The following PHRF1 variants were observed in gnomAD, a reference collection of about 807,000 sequenced individuals.
PHRF1 encodes PHD and RING finger domain-containing protein 1.
PHRF1 carries 53 observed loss-of-function variants against 128.9 expected under a neutral mutation model. The ratio of observed to expected loss-of-function variants is 0.41; its 90% confidence interval spans 0.33 to 0.52. The LOEUF (loss-of-function observed/expected upper bound fraction) is 0.52, where lower values mean the gene tolerates loss of function less well. Among genes scored for constraint, PHRF1 ranks in the 20% least tolerant of loss-of-function variants. The pLI, the probability that PHRF1 is intolerant of heterozygous loss-of-function variation, is 0.21. For missense variants in PHRF1, 2,503 were observed against 2,284.5 expected (o/e 1.10, Z -1.95); for synonymous variants, 1,178 against 980.6 (o/e 1.20, Z -3.76).
Position 605,838 on chromosome 11 carries a change from A to C in PHRF1, c.1454+114A>C. 6 of 1,416,694 alleles carry C rather than the reference A, an allele frequency of 4.2e-6. No homozygotes were observed. In the Admixed American group the frequency reaches 8.4e-5, roughly 20 times the overall value. The allele number at this position is 1,416,694 out of a possible 1,614,324, so 87.8% of individuals were successfully genotyped here. Reference sequence around the variant, plus strand: ...CTCTGTGGCCCTGGGTGGCGTCAGCACCTCCCCTCAGCTGTCATGCTCATC... The same window carrying C: ...CTCTGTGGCCCTGGGTGGCGTCAGCCCCTCCCCTCAGCTGTCATGCTCATC... On this transcript the variant is annotated intron_variant, in intron 12 of 17. Transcript: ENST00000264555.
At chr11:598,654 C>A (rs576040761) in intron 9 of PHRF1, among the ~76,000 whole-genome samples, 152 bp downstream of exon 9, 1 of 152,200 alleles carries the variant, frequency 6.6e-6, no homozygotes, top group African/African-American at 2.4e-5. Context: ...GAAGCCGCGC[C>A]GGGCCCGGGA....
Position 612,064 on chromosome 11 carries a change from C to G in PHRF1, c.*287C>G, listed in dbSNP as rs577365314. On this transcript the variant is annotated 3_prime_UTR_variant, in exon 18 of 18. Coordinates refer to ENST00000264555, the MANE Select transcript of PHRF1 (RefSeq NM_001286581.2). ...AAAAATGGATTATCTTTAGAAACCT[C>G]TTGATTGACTTACTACTTGGAAGAT... 3.7e-5 allele frequency: 17 copies of G among 463,760 alleles called. No homozygotes were observed. Among genetic ancestry groups the G allele is most frequent in the African/African-American group, 3.0e-4 (15 of 50,830 alleles). The allele number at this position is 463,760 out of a possible 1,614,324, so 28.7% of individuals were successfully genotyped here.
At chr11:601,167 A>G (rs1855602485) in intron 9 of PHRF1, among the ~76,000 whole-genome samples, 2 of 151,258 alleles carry the variant, frequency 1.3e-5, no homozygotes, top group East Asian at 1.9e-4. Flanking sequence ...AAATTTGGGC[A>G]GGCGTGGTGG....
Position 607,724 on chromosome 11 carries a change from T to G in PHRF1, c.2268T>G (p.His756Gln). ...GSSRPPAPSS[H>Q]GSLAPLGPSR... The stretch of plus-strand genomic sequence containing the variant: ...CCCGGCCCCCAGCCCCCAGCTCCCA[T>G]GGCAGTTTGGCCCCACTGGGACCAT... The change falls in exon 14 of 18, where the codon CAT becomes CAG. Residue 756 changes from histidine to glutamine, a missense_variant. Transcript: ENST00000264555. 6.2e-7 allele frequency: 1 copy of G among 1,611,904 alleles called. No homozygotes were observed. Among genetic ancestry groups the G allele is most frequent in the Non-Finnish European group, 8.5e-7 (1 of 1,179,384 alleles).
chr11:596,391 G>T (rs554173625), intron 6 of PHRF1, among the ~76,000 whole-genome samples: 4 of 152,288 alleles, frequency 2.6e-5, no homozygotes, highest in African/African-American at 9.6e-5. Flanking sequence ...GGTGTGAGGT[G>T]CAATGTTTGA....
chr11:584,227 A>G (rs1182576548), intron 3 of PHRF1, among the ~76,000 whole-genome samples: 1 of 152,128 alleles, frequency 6.6e-6, no homozygotes, highest in African/African-American at 2.4e-5. Flanking sequence ...GCTCTGGTTC[A>G]TCTGTAGTAG....
rs184847958 is a variant in PHRF1 at position 588,138 on chromosome 11, C to T, written c.420+674C>T. 1.7e-4 allele frequency among the ~76,000 whole-genome samples: 26 copies of T among 152,248 alleles called. No homozygotes were observed. The East Asian group carries it at 3.3e-3, about 19-fold the overall frequency. ...GATTGCACCAGCAGCCCGTGCTGTCCCCGGCTCTCTTCAGGACCGTGACCT... is the reference window on the plus strand; with the variant it reads ...GATTGCACCAGCAGCCCGTGCTGTCTCCGGCTCTCTTCAGGACCGTGACCT... On this transcript the variant is annotated intron_variant, in intron 4 of 17. Transcript: ENST00000264555.
At chr11:592,431 CTGGGCCTGTGG>C in intron 5 of PHRF1, 117 bp from the exon 6 acceptor site, 1 of 858,746 alleles carries the variant, frequency 1.2e-6, no homozygotes, top group Non-Finnish European at 2.0e-6. Context: ...GGGAGACCCT[CTGGGCCTGTGG>C]AGCCCAAATA....
rs1040469772 is a variant in PHRF1 at position 597,853 on chromosome 11, G to A, written c.894+283G>A. ...CTAGGAAACCCCCCTTGTTCCCCAG[G>A]CCCCATGCCAGCACCGCTCCCTCTA... On this transcript the variant is annotated intron_variant, in intron 8 of 17. Coordinates refer to ENST00000264555, the MANE Select transcript of PHRF1 (RefSeq NM_001286581.2). The surrounding 1 kb of genome is among the most constrained non-coding windows in gnomAD (Gnocchi z 6.5). Among the ~76,000 whole-genome samples the A allele has an allele frequency of 6.6e-6, 1 of 152,148 alleles. No individual in the cohort carries two copies. The highest frequency in any genetic ancestry group is 1.5e-5 in the Non-Finnish European group (1 of 67,988).
chr11:595,544 G>C (rs544965137), intron 6 of PHRF1, among the ~76,000 whole-genome samples: 1 of 152,240 alleles, frequency 6.6e-6, no homozygotes, highest in Non-Finnish European at 1.5e-5. Flanking sequence ...AGCCATGGGT[G>C]CCTGCACCGT....
rs774497632 is a variant in PHRF1 at position 607,286 on chromosome 11, G to T, written c.1830G>T (p.Ala610=). The stretch of plus-strand genomic sequence containing the variant: ...TGGACTTGCCAGCAGCCCCTGGGGC[G>T]GTTCAGGCTCGGAACTTGTCAAATG... ...VRLDLPAAPG[A]VQARNLSNGS... The change falls in exon 14 of 18, where the codon GCG becomes GCT. Residue 610 remains alanine, a synonymous_variant. Transcript: ENST00000264555. The T allele has an allele frequency of 6.2e-7, 1 of 1,612,690 alleles. No individual in the cohort carries two copies. Among genetic ancestry groups the T allele is most frequent in the Non-Finnish European group, 8.5e-7 (1 of 1,179,878 alleles).
chr11:606,940 C>CT, intron 13 of PHRF1, 126 bp from the exon 14 acceptor site: 1 of 1,439,418 alleles, frequency 6.9e-7, no homozygotes, highest in Non-Finnish European at 9.2e-7. Flanking sequence ...AGGTGTCCAC[C>CT]TCAACAGGCA....
chr11:596,278 C>T (rs1416272214), intron 6 of PHRF1, among the ~76,000 whole-genome samples: 1 of 152,200 alleles, frequency 6.6e-6, no homozygotes, highest in African/African-American at 2.4e-5. Flanking sequence ...ATACCTCATA[C>T]CAGTGGCAGC....
intron 3 of PHRF1, among the ~76,000 whole-genome samples, chr11:583,203 T>G (rs1392990660): frequency 1.4e-5 from 2 of 144,348 alleles, no homozygotes; most frequent in East Asian, 2.1e-4. Flanking sequence ...GCCAGTCGTG[T>G]TGGCACGCGC....
chr11:591,731 G>C (rs1217894244), intron 5 of PHRF1, among the ~76,000 whole-genome samples: 1 of 152,136 alleles, frequency 6.6e-6, no homozygotes, highest in East Asian at 1.9e-4. Flanking sequence ...TGGGAGCAGT[G>C]CTCTGGCCCG....
intron 3 of PHRF1, among the ~76,000 whole-genome samples, chr11:583,482 A>G (rs528588000): frequency 1.5e-4 from 23 of 152,290 alleles, no homozygotes; most frequent in Non-Finnish European, 2.8e-4. Flanking sequence ...ACGCCACCAC[A>G]CTCCAGCCTG....
Position 595,496 on chromosome 11 carries a change from C to T in PHRF1, c.621-1427C>T, listed in dbSNP as rs185164532. Among the ~76,000 whole-genome samples, 16 of 152,350 alleles carry T rather than the reference C, an allele frequency of 1.1e-4. No homozygotes were observed. The Middle Eastern group carries it at 0.01, about 97-fold the overall frequency. On this transcript the variant is annotated intron_variant, in intron 6 of 17. Transcript: ENST00000264555. ...CCCTGGGCAGGTCAGATCTGAGCAC[C>T]TTCAGCTGCAGGGCCACCAAGCTCC...
At position 609,188 on chromosome 11, in the gene PHRF1, T is replaced by C. The variant is rs758750228; in HGVS notation, c.3732T>C (p.Pro1244=). The change falls in exon 14 of 18, where the codon CCT becomes CCC. Residue 1244 remains proline (P), a synonymous_variant. Transcript: ENST00000264555. ...ACAAGGCCCCCCTGCAGGCTCCCCC[T>C]GTCCTGGAGGTGGCAGCTGAGTGTG... is the stretch of plus-strand genomic sequence containing the variant. The part of the protein sequence containing the change: ...TADKAPLQAP[P]VLEVAAECEP... 1.9e-6 allele frequency: 3 copies of C among 1,607,724 alleles called. No homozygotes were observed. The highest frequency in any genetic ancestry group is 1.1e-5 in the South Asian group (1 of 91,084).
rs900198833 is a variant in PHRF1, at chr11:611,998, G to A, written c.*221G>A. 22 of 645,952 alleles carry A rather than the reference G, an allele frequency of 3.4e-5. No individual in the cohort carries two copies. In the African/African-American group the frequency reaches 3.8e-4, roughly 11 times the overall value. 40.0% of individuals were successfully genotyped at this position (645,952 alleles called of 1,614,324 possible). A position where few individuals can be genotyped will look rare whatever the true frequency, so the allele number is the denominator to read the frequency against. On this transcript the variant is annotated 3_prime_UTR_variant, in exon 18 of 18. Transcript: ENST00000264555. ...TCACAGTTGAAAACTGGACACTTTT[G>A]TATGTATATTATAGAGACACTGTTT...
Sources: gnomAD v4.1 joint callset for allele counts (sites outside exome capture counted in the v4.1 genomes callset) on GRCh38, gnomAD v4.1.1 for gene constraint, Gnocchi (gnomAD v3.1) non-coding constraint, MANE v1.5 for transcripts, NCBI Gene and HGNC (gene_info 2026-07-23, HGNC 2026-07-21) for gene names.